UFSP2: variants seen among roughly 807,000 people sequenced by gnomAD.
The protein encoded by UFSP2 is ufm1-specific protease 2.
UFSP2 carries 43 observed loss-of-function variants against 60.2 expected under a neutral mutation model. That is an observed-to-expected ratio of 0.71 (90% confidence interval 0.56 to 0.92). The LOEUF is 0.92. Among genes scored for constraint, UFSP2 ranks in the 40% least tolerant of loss-of-function variants. UFSP2 has a pLI of 0.00. For missense variants in UFSP2, 520 were observed against 575.0 expected, an observed-to-expected ratio of 0.90 and a Z score of 0.98; for synonymous variants, 183 against 195.1, an observed-to-expected ratio of 0.94 and a Z score of 0.52.
At chr4:185,421,484 C>T (rs1285953677) in intron 2 of UFSP2, among the ~76,000 whole-genome samples, 1 of 152,176 alleles carries the variant, frequency 6.6e-6, no homozygotes, top group Non-Finnish European at 1.5e-5. Flanking sequence ...TATCAGTTCA[C>T]AAAAGAGCTG....
At chr4:185,406,310 A>G (rs2095520370) in intron 9 of UFSP2, 1 of 174,406 alleles carries the variant, frequency 5.7e-6, no homozygotes, top group Non-Finnish European at 1.3e-5. Context: ...AACAGAGGAG[A>G]GTCTAGGCCT....
Position 185,407,939 on chromosome 4 carries a change from A to G in UFSP2, c.1118T>C (p.Val373Ala). The G allele has an allele frequency of 6.2e-7, 1 of 1,613,588 alleles. No homozygotes were observed. The highest frequency in any genetic ancestry group is 1.7e-5 in the Admixed American group (1 of 59,930). The change falls in exon 9 of 12, where the codon GTC becomes GCC. Residue 373 changes from valine to alanine, a missense_variant. Transcript: ENST00000264689. ...TAATTTCTTAAAGTGTGCTTACCTG[A>G]CAAACAGGATTTTTGACGTTATACC... ...LIGITSKILF[V>A]SQGSEIASQG...
intron 7 of UFSP2, among the ~76,000 whole-genome samples, chr4:185,412,232 T>C (rs549775050): frequency 1.7e-4 from 26 of 152,326 alleles, no homozygotes; most frequent in Admixed American, 1.2e-3. Context: ...ACCTATTTTA[T>C]TGTCAAAAAG....
chr4:185,424,716 G>A lies in UFSP2; in HGVS notation c.3+1150C>T, dbSNP rs552006603. ...CCCATTTAAATAAAAAATATTTAAAGATACTGAAGATAAAAGTTAGACAGG... is the reference window on the plus strand; with the variant it reads ...CCCATTTAAATAAAAAATATTTAAAAATACTGAAGATAAAAGTTAGACAGG... On this transcript the variant is annotated intron_variant, in intron 1 of 11. Coordinates refer to ENST00000264689, the MANE Select transcript of UFSP2 (RefSeq NM_018359.5). Among the ~76,000 whole-genome samples the A allele has an allele frequency of 7.6e-4, 115 of 152,282 alleles. 1 individual carries two copies. The Middle Eastern group carries it at 0.027, about 36-fold the overall frequency.
intron 10 of UFSP2, among the ~76,000 whole-genome samples, chr4:185,403,945 T>C (rs2126877768): frequency 8.4e-6 from 1 of 118,892 alleles, no homozygotes; most frequent in African/African-American, 3.0e-5. Context: ...CACTCCAGCC[T>C]GGGCGACACA....
chr4:185,412,322 A>C (rs898235973), intron 7 of UFSP2, among the ~76,000 whole-genome samples: 1 of 152,142 alleles, frequency 6.6e-6, no homozygotes, highest in Non-Finnish European at 1.5e-5. Context: ...CTTTCTATGG[A>C]AGCTGGTTGG....
rs773955955 is a variant in UFSP2, at chr4:185,408,093, C to T, written c.997-33G>A. On this transcript the variant is annotated intron_variant, in intron 8 of 11. Transcript: ENST00000264689. Reference sequence around the variant, plus strand: ...TATTTAAAAATATAAAACATCCATACACAAGACAGCTATTAAAAACGATGT... The same window carrying T: ...TATTTAAAAATATAAAACATCCATATACAAGACAGCTATTAAAAACGATGT... 4 of 1,604,436 alleles carry T rather than the reference C, an allele frequency of 2.5e-6. 1 individual carries two copies. The highest frequency in any genetic ancestry group is 4.5e-5 in the East Asian group (2 of 44,838).
intron 5 of UFSP2, 45 bp downstream of exon 5, chr4:185,415,665 A>C (rs1431906852): frequency 1.6e-5 from 24 of 1,526,384 alleles, no homozygotes; most frequent in Non-Finnish European, 1.9e-5. Flanking sequence ...GGTTTGGGGA[A>C]GGGCCCTCAT....
chr4:185,401,162 C>T (rs2095512738), intron 11 of UFSP2, among the ~76,000 whole-genome samples: 1 of 152,164 alleles, frequency 6.6e-6, no homozygotes, highest in Non-Finnish European at 1.5e-5. Context: ...TGCAAGGAGG[C>T]TGAGACTCTG....
At chr4:185,404,222 G>A (rs1485597978) in intron 10 of UFSP2, among the ~76,000 whole-genome samples, 4 of 150,874 alleles carry the variant, frequency 2.7e-5, no homozygotes, top group Non-Finnish European at 5.9e-5. Context: ...ACAATCTGCT[G>A]TAGTGCCTCT....
rs773385538 is a variant in UFSP2, at chr4:185,405,783, T to G, written c.1195A>C (p.Ile399Leu). 2 of 1,613,934 alleles carry G rather than the reference T, an allele frequency of 1.2e-6. No homozygotes were observed. The highest frequency in any genetic ancestry group is 2.7e-5 in the African/African-American group (2 of 74,940). The part of the protein sequence containing the change: ...HFQSEGTPVM[I>L]GGGVLAHTIL... ...AACAGTGTCTGAAACAGCTTACCGATCATAACTGGAGTTCCTTCACTTTGG... is the reference window on the plus strand; with the variant it reads ...AACAGTGTCTGAAACAGCTTACCGAGCATAACTGGAGTTCCTTCACTTTGG... Residue 399 changes from isoleucine to leucine, a missense_variant, in exon 10 of 12, where the codon ATC becomes CTC. Transcript: ENST00000264689.
intron 1 of UFSP2, among the ~76,000 whole-genome samples, chr4:185,423,009 C>T (rs1321800753): frequency 1.3e-5 from 2 of 152,194 alleles, no homozygotes; most frequent in East Asian, 1.9e-4. Flanking sequence ...CAGGCATACA[C>T]CACCACGCCT....
chr4:185,416,523 C>T (rs1015902920), intron 4 of UFSP2, among the ~76,000 whole-genome samples: 4 of 152,180 alleles, frequency 2.6e-5, no homozygotes, highest in African/African-American at 9.7e-5. Context: ...TCAGACTTCT[C>T]ACTGGGAAAA....
At chr4:185,400,523 A>AGAT in intron 11 of UFSP2, 45 bp from the exon 12 acceptor site, 2 of 1,443,464 alleles carry the variant, frequency 1.4e-6, no homozygotes, top group Non-Finnish European at 1.9e-6. Flanking sequence ...CAAAGTTACA[A>AGAT]GATTATGTCA....
intron 11 of UFSP2, among the ~76,000 whole-genome samples, chr4:185,400,842 G>A (rs1264141618): frequency 6.6e-6 from 1 of 152,228 alleles, no homozygotes; most frequent in Non-Finnish European, 1.5e-5. Context: ...ATAAAGGACT[G>A]TAAGAGACCA....
At position 185,399,817 on chromosome 4, in the gene UFSP2, T is replaced by A. The variant is rs752309014; in HGVS notation, c.*575A>T. 3 of 1,610,390 alleles carry A rather than the reference T, an allele frequency of 1.9e-6. No homozygotes were observed. Among genetic ancestry groups the A allele is most frequent in the African/African-American group, 2.7e-5 (2 of 74,756 alleles). On this transcript the variant is annotated 3_prime_UTR_variant, in exon 12 of 12. Transcript: ENST00000264689. Reference sequence around the variant, plus strand: ...CTGCTTTTTTCCTCCCGCAGTGATCTCTTGTTTGCATAGCATTTATTATTC... The same window carrying A: ...CTGCTTTTTTCCTCCCGCAGTGATCACTTGTTTGCATAGCATTTATTATTC...
At position 185,408,396 on chromosome 4, in the gene UFSP2, T is replaced by A; in HGVS notation, c.871A>T (p.Met291Leu). Residue 291 changes from methionine to leucine, a missense_variant, in exon 8 of 12, where the codon ATG (methionine) becomes TTG (leucine). Physicochemically the swap from Met to Leu is conservative, Grantham distance 15 (BLOSUM62 2). Coordinates refer to ENST00000264689, the MANE Select transcript of UFSP2 (RefSeq NM_018359.5). Reference protein sequence around the residue: ...VQGIYGYHHYMQDRIDDNGWG... With the variant: ...VQGIYGYHHYLQDRIDDNGWG... ...CCATTGTCATCTATGCGATCCTGCA[T>A]ATAATGATGATAGCCATATATGCCC... 6.2e-7 allele frequency: 1 copy of A among 1,614,166 alleles called. No homozygotes were observed. The highest frequency in any genetic ancestry group is 8.5e-7 in the Non-Finnish European group (1 of 1,180,022).
chr4:185,423,114 CT>C (rs1406500645), intron 1 of UFSP2, among the ~76,000 whole-genome samples: 1 of 152,220 alleles, frequency 6.6e-6, no homozygotes, highest in Non-Finnish European at 1.5e-5. Flanking sequence ...CTGTCTCGGC[CT>C]CCCAAAGTGC....
intron 7 of UFSP2, among the ~76,000 whole-genome samples, chr4:185,412,201 C>T (rs1378897631): frequency 6.6e-6 from 1 of 152,116 alleles, no homozygotes; most frequent in Non-Finnish European, 1.5e-5. Flanking sequence ...TTCTTACGAC[C>T]TTGTAATACA....
Sources: allele counts gnomAD v4.1 joint callset (sites outside exome capture counted in the v4.1 genomes callset), GRCh38; gene constraint gnomAD v4.1.1; transcripts MANE v1.5; gene names NCBI Gene and HGNC (gene_info 2026-07-23, HGNC 2026-07-21).